Variants in KIF26B observed in about 807,000 individuals in gnomAD.
The protein encoded by KIF26B is kinesin-like protein KIF26B.
In KIF26B, 63 loss-of-function variants were observed where a neutral mutation model predicts 151.2. The ratio of observed to expected loss-of-function variants is 0.42; its 90% CI spans 0.34 to 0.51. The LOEUF is 0.51. KIF26B is among the 20% of genes least tolerant of loss of function. The pLI, the probability that KIF26B is intolerant of heterozygous loss-of-function variation, is 0.07. For synonymous variants in KIF26B, 1,357 were observed against 1,262.1 expected, an observed-to-expected ratio of 1.08 and a Z score of -1.59; for missense variants, 2,813 against 2,913.6, an observed-to-expected ratio of 0.97 and a Z score of 0.79.
chr1:245,506,612 T>C (rs981786294), intron 4 of KIF26B, among the ~76,000 whole-genome samples: 1 of 152,054 alleles, frequency 6.6e-6, no homozygotes, highest in African/African-American at 2.4e-5. Flanking sequence ...ATTGGAGGGG[T>C]CTATGGGATC....
chr1:245,284,687 A>G (rs1276083446), intron 2 of KIF26B, among the ~76,000 whole-genome samples: 3 of 152,188 alleles, frequency 2.0e-5, no homozygotes, highest in Non-Finnish European at 4.4e-5. Flanking sequence ...CATACCAGAT[A>G]TTGGTTATCT....
At chr1:245,207,979 G>GC (rs1298012349) in intron 2 of KIF26B, among the ~76,000 whole-genome samples, 3 of 152,198 alleles carry the variant, frequency 2.0e-5, no homozygotes, top group Non-Finnish European at 4.4e-5. Flanking sequence ...CCATCTGGAA[G>GC]CCCCCGCGGA....
chr1:245,677,582 A>G (rs1307974407), intron 10 of KIF26B, among the ~76,000 whole-genome samples: 2 of 152,258 alleles, frequency 1.3e-5, no homozygotes, highest in Non-Finnish European at 2.9e-5. Context: ...CTTCTCTAGT[A>G]CCCCAAAGCA....
intron 2 of KIF26B, among the ~76,000 whole-genome samples, chr1:245,319,399 G>A (rs1671841821): frequency 6.6e-6 from 1 of 152,212 alleles, no homozygotes; most frequent in Non-Finnish European, 1.5e-5. Flanking sequence ...CATGTGCCAG[G>A]CCTGACAAAC....
intron 2 of KIF26B, among the ~76,000 whole-genome samples, chr1:245,187,443 C>T (rs1444661492): frequency 2.0e-5 from 3 of 152,186 alleles, no homozygotes; most frequent in Non-Finnish European, 2.9e-5. Context: ...TCAGACTTCA[C>T]CAATATGGAA....
At chr1:245,675,025 C>G (rs960091364) in intron 10 of KIF26B, among the ~76,000 whole-genome samples, 1 of 152,170 alleles carries the variant, frequency 6.6e-6, no homozygotes, top group East Asian at 1.9e-4. Flanking sequence ...GAGGGACTCA[C>G]AGAATTCACG....
intron 10 of KIF26B, among the ~76,000 whole-genome samples, chr1:245,662,346 C>CTA (rs199768176): frequency 0.098 from 14,261 of 145,892 alleles, 812 homozygotes; most frequent in Middle Eastern, 0.13. Context: ...CACACACACC[C>CTA]TATATATATA....
At chr1:245,390,943 A>AAC (rs1553270125) in intron 3 of KIF26B, among the ~76,000 whole-genome samples, 3 of 118,458 alleles carry the variant, frequency 2.5e-5, no homozygotes, top group African/African-American at 1.2e-4. Context: ...AAAAAAAAAA[A>AAC]AAAAAAAAAC....
intron 5 of KIF26B, among the ~76,000 whole-genome samples, chr1:245,547,662 G>T (rs1168213363): frequency 1.3e-5 from 2 of 151,896 alleles, no homozygotes; most frequent in Non-Finnish European, 2.9e-5. Context: ...CTGCTGATGA[G>T]GGTGTGTGGA....
chr1:245,511,605 T>TTTGTTTGG (rs1660839388), intron 4 of KIF26B, among the ~76,000 whole-genome samples: 1 of 152,206 alleles, frequency 6.6e-6, no homozygotes, highest in African/African-American at 2.4e-5. Context: ...TGTTTGTTTG[T>TTTGTTTGG]TTGGTTTTGT....
At chr1:245,532,336 C>G (rs1661387515) in intron 4 of KIF26B, among the ~76,000 whole-genome samples, 1 of 148,944 alleles carries the variant, frequency 6.7e-6, no homozygotes, top group Non-Finnish European at 1.5e-5. Context: ...AGCTCTGCCT[C>G]CCGGGTTCAC....
chr1:245,278,847 A>T (rs1670985117), intron 2 of KIF26B, among the ~76,000 whole-genome samples: 1 of 152,188 alleles, frequency 6.6e-6, no homozygotes, highest in African/African-American at 2.4e-5. Context: ...CTGGCCTATG[A>T]AATGGAGACT....
chr1:245,427,360 C>T (rs998534520), intron 4 of KIF26B, among the ~76,000 whole-genome samples: 6 of 152,240 alleles, frequency 3.9e-5, no homozygotes, highest in African/African-American at 1.4e-4. Flanking sequence ...GTAATCCCAG[C>T]ACTTCGGGAG....
At chr1:245,579,244 C>T (rs908178725) in intron 5 of KIF26B, among the ~76,000 whole-genome samples, 6 of 151,964 alleles carry the variant, frequency 3.9e-5, no homozygotes, top group East Asian at 1.9e-4. Context: ...ACCAGTTAAA[C>T]GAAGAACATT....
chr1:245,386,591 G>A (rs73134845), intron 3 of KIF26B, among the ~76,000 whole-genome samples: 8,126 of 152,186 alleles, frequency 0.053, 727 homozygotes, highest in African/African-American at 0.19. Flanking sequence ...CACCCTGGTT[G>A]TGGCGTAGGT....
intron 4 of KIF26B, 36 bp downstream of exon 4, chr1:245,419,781 T>C (rs555888239): frequency 4.4e-5 from 69 of 1,559,248 alleles, no homozygotes; most frequent in Admixed American, 3.7e-4. Context: ...TTCTTTCCGA[T>C]GAGCCCAGCT....
At chr1:245,247,841 G>A (rs749637759) in intron 2 of KIF26B, among the ~76,000 whole-genome samples, 11 of 152,180 alleles carry the variant, frequency 7.2e-5, no homozygotes, top group Non-Finnish European at 1.5e-4. Flanking sequence ...CTATTTTATC[G>A]TGACATTCTG....
chr1:245,225,839 T>C (rs1669863236), intron 2 of KIF26B, among the ~76,000 whole-genome samples: 1 of 152,222 alleles, frequency 6.6e-6, no homozygotes. Flanking sequence ...AAAACAGCTT[T>C]TACTGATCAA....
At chr1:245,537,896 T>C (rs975780315) in intron 4 of KIF26B, among the ~76,000 whole-genome samples, 3 of 152,166 alleles carry the variant, frequency 2.0e-5, no homozygotes, top group African/African-American at 4.8e-5. Flanking sequence ...TGATTAATCA[T>C]AGGCATTAAG....
Sources: allele counts gnomAD v4.1 joint callset (sites outside exome capture counted in the v4.1 genomes callset), GRCh38; gene constraint gnomAD v4.1.1; transcripts MANE v1.5; gene names NCBI Gene and HGNC (gene_info 2026-07-23, HGNC 2026-07-21).